The following PCDHGB7 variants were observed in gnomAD, a reference collection of about 807,000 sequenced individuals.
PCDHGB7 encodes the protein protocadherin gamma-B7.
Under a neutral mutation model 61.4 loss-of-function variants are expected in PCDHGB7, and 37 were observed. The ratio of observed to expected loss-of-function variants is 0.60; its 90% CI spans 0.46 to 0.79. PCDHGB7 has a LOEUF of 0.79. Ranked by LOEUF, PCDHGB7 falls within the 30% of genes least tolerant of loss-of-function variation. The pLI is 0.00. For synonymous variants in PCDHGB7, 464 were observed against 503.5 expected, an observed-to-expected ratio of 0.92 and a Z score of 1.05; for missense variants, 1,166 against 1,202.5, an observed-to-expected ratio of 0.97 and a Z score of 0.45.
chr5:141,488,292 G>A (rs961688781), intron 1 of PCDHGB7, among the ~76,000 whole-genome samples: 1 of 152,216 alleles, frequency 6.6e-6, no homozygotes, highest in African/African-American at 2.4e-5. Flanking sequence ...AAAACAGTAA[G>A]TGAAATCACT....
Position 141,418,568 on chromosome 5 carries a change from G to A in PCDHGB7, c.709G>A (p.Asp237Asn), listed in dbSNP as rs769914679. The change falls in exon 1 of 4, where the codon GAC becomes AAC. Residue 237 changes from aspartate (D) to asparagine (N), a missense_variant. Transcript: ENST00000398594. ...AAGAATCCTGGTAATAGATGCCAAT[G>A]ACAACCCCCCAGTGTTCAGCCAGGA... ...QIRILVIDANDNPPVFSQDVY... is the reference protein window; with the variant it reads ...QIRILVIDANNNPPVFSQDVY... 3.8e-5 allele frequency: 62 copies of A among 1,613,902 alleles called. No individual in the cohort carries two copies. Among genetic ancestry groups the A allele is most frequent in the Non-Finnish European group, 5.2e-5 (61 of 1,179,918 alleles).
intron 1 of PCDHGB7, chr5:141,421,970 A>G (rs2096615419): frequency 1.2e-6 from 2 of 1,610,810 alleles, no homozygotes; most frequent in Non-Finnish European, 1.7e-6. Context: ...CAGTCCGTAT[A>G]TCGCGTGAGT....
chr5:141,493,250 C>T lies in PCDHGB7; in HGVS notation c.2416-1557C>T, dbSNP rs1330348553. On this transcript the variant is annotated intron_variant, in intron 1 of 3. Coordinates refer to ENST00000398594, the MANE Select transcript of PCDHGB7 (RefSeq NM_018927.4). The surrounding 1 kb of genome is among the most constrained non-coding windows in gnomAD (Gnocchi z 4.3). ...TGCTGTTGGCTAGGTACTAACATGC[C>T]TCTCTTATAACAGCTTCACAGAGGT... Among the ~76,000 whole-genome samples the T allele has an allele frequency of 1.3e-5, 2 of 152,154 alleles. No homozygotes were observed. Among genetic ancestry groups the T allele is most frequent in the Non-Finnish European group, 2.9e-5 (2 of 68,024 alleles).
chr5:141,453,214 A>T (rs1174586625), intron 1 of PCDHGB7, among the ~76,000 whole-genome samples: 2 of 152,058 alleles, frequency 1.3e-5, no homozygotes, highest in African/African-American at 4.8e-5. Flanking sequence ...CGTGCACTTA[A>T]GCGATCCTCC....
intron 2 of PCDHGB7, among the ~76,000 whole-genome samples, chr5:141,497,671 C>T (rs1026356633): frequency 6.6e-5 from 10 of 151,878 alleles, no homozygotes; most frequent in African/African-American, 2.4e-4. Flanking sequence ...TCCCGAGTAG[C>T]TGGGACAGCA....
intron 1 of PCDHGB7, chr5:141,423,692 G>T: frequency 7.1e-7 from 1 of 1,405,756 alleles, no homozygotes; most frequent in Non-Finnish European, 9.4e-7. Context: ...CCTAATTGTT[G>T]GTGTCTTGGC....
chr5:141,419,128 A>T lies in PCDHGB7; in HGVS notation c.1269A>T (p.Ala423=), dbSNP rs1298102722. 1.2e-6 allele frequency: 2 copies of T among 1,613,768 alleles called. No homozygotes were observed. The highest frequency in any genetic ancestry group is 2.2e-5 in the East Asian group (1 of 44,896). The change falls in exon 1 of 4, where the codon GCA becomes GCT. Residue 423 remains alanine (A), a synonymous_variant. Transcript: ENST00000398594. ...EQTPEYNVTI[A]ATDRGKPPLS... ...CCCCAGAGTACAACGTCACCATCGC[A>T]GCCACAGACAGGGGCAAGCCTCCGT...
intron 2 of PCDHGB7, among the ~76,000 whole-genome samples, chr5:141,497,478 C>T (rs974494984): frequency 6.0e-5 from 9 of 150,954 alleles, no homozygotes; most frequent in South Asian, 4.2e-4. Context: ...GGAGAAGGTG[C>T]GGAACCTCTC....
At chr5:141,455,389 G>C (rs1190144149) in intron 1 of PCDHGB7, among the ~76,000 whole-genome samples, 1 of 152,114 alleles carries the variant, frequency 6.6e-6, no homozygotes, top group Non-Finnish European at 1.5e-5. Flanking sequence ...GAAGGAAGGA[G>C]CTCCCCCTTA....
At position 141,490,909 on chromosome 5, in the gene PCDHGB7, G is replaced by A. The variant is rs1170664693; in HGVS notation, c.2416-3898G>A. On this transcript the variant is annotated intron_variant, in intron 1 of 3. Coordinates refer to ENST00000398594, the MANE Select transcript of PCDHGB7 (RefSeq NM_018927.4). The surrounding 1 kb of genome is among the most constrained non-coding windows in gnomAD (Gnocchi z 5.4). ...ATCTCTGCATGTGTTTGTCCTAGAC[G>A]AGAATGATAATGCCCCAGCTGTGCT... The A allele has an allele frequency of 1.1e-5, 17 of 1,613,626 alleles. No individual in the cohort carries two copies. Among genetic ancestry groups the A allele is most frequent in the East Asian group, 4.5e-5 (2 of 44,882 alleles).
chr5:141,510,798 A>G, intron 3 of PCDHGB7, 149 bp from the exon 4 acceptor site: 1 of 1,474,326 alleles, frequency 6.8e-7, no homozygotes, highest in South Asian at 1.3e-5. Context: ...GTGAAGAGAG[A>G]CTACCTTGGT....
intron 1 of PCDHGB7, among the ~76,000 whole-genome samples, chr5:141,437,781 A>G (rs957126405): frequency 7.3e-5 from 11 of 149,878 alleles, no homozygotes; most frequent in Admixed American, 6.7e-5. Flanking sequence ...ATCTGTCGCC[A>G]AGCTGGAGTG....
chr5:141,428,310 G>A (rs2097132610), intron 1 of PCDHGB7: 1 of 671,630 alleles, frequency 1.5e-6, no homozygotes, highest in Admixed American at 2.2e-5. Context: ...ACCTGGTCGT[G>A]GCCTTGGCCT....
intron 1 of PCDHGB7, among the ~76,000 whole-genome samples, chr5:141,488,351 C>G (rs1467834410): frequency 6.6e-6 from 1 of 152,132 alleles, no homozygotes; most frequent in African/African-American, 2.4e-5. Context: ...AAACAGCCAC[C>G]CTGTGCATCT....
intron 2 of PCDHGB7, among the ~76,000 whole-genome samples, chr5:141,503,886 T>G (rs150106838): frequency 8.2e-4 from 125 of 152,290 alleles, no homozygotes; most frequent in African/African-American, 2.9e-3. Flanking sequence ...TCACCCACCA[T>G]GACAAAATAT....
chr5:141,497,877 G>C (rs1057284578), intron 2 of PCDHGB7, among the ~76,000 whole-genome samples: 6 of 152,148 alleles, frequency 3.9e-5, no homozygotes, highest in Admixed American at 2.6e-4. Context: ...AGTGAAATAA[G>C]CGTTAGGATC....
intron 1 of PCDHGB7, among the ~76,000 whole-genome samples, chr5:141,469,538 G>A (rs2099204234): frequency 6.6e-6 from 1 of 152,168 alleles, no homozygotes; most frequent in Non-Finnish European, 1.5e-5. Flanking sequence ...TTGTGCCACT[G>A]CACTCCAGCC....
intron 1 of PCDHGB7, chr5:141,475,814 TC>T: frequency 3.0e-6 from 1 of 338,520 alleles, no homozygotes; most frequent in Non-Finnish European, 5.4e-6. Flanking sequence ...AAAGTGAAGT[TC>T]CTGGCGCTAG....
intron 1 of PCDHGB7, among the ~76,000 whole-genome samples, chr5:141,448,434 GA>G (rs1297090877): frequency 1.3e-5 from 2 of 152,050 alleles, no homozygotes; most frequent in South Asian, 4.2e-4. Flanking sequence ...TATATATTGA[GA>G]AGTCTGACTT....
Sources: gnomAD v4.1 joint callset for allele counts (sites outside exome capture counted in the v4.1 genomes callset) on GRCh38, gnomAD v4.1.1 for gene constraint, Gnocchi (gnomAD v3.1) non-coding constraint, MANE v1.5 for transcripts, NCBI Gene and HGNC (gene_info 2026-07-23, HGNC 2026-07-21) for gene names.